NMNAT3: variants seen among roughly 807,000 people sequenced by gnomAD.
NMNAT3 encodes the protein nicotinamide nucleotide adenylyltransferase 3, also known as nicotinamide/nicotinic acid mononucleotide adenylyltransferase 3.
A neutral mutation model predicts 24.8 loss-of-function variants in NMNAT3; 21 were observed. The ratio of observed to expected loss-of-function variants is 0.85; its 90% CI spans 0.60 to 1.22. The LOEUF (loss-of-function observed/expected upper bound fraction) is 1.22. Among genes scored for constraint, NMNAT3 ranks in the 50% most tolerant of loss-of-function variants. The probability of loss-of-function intolerance (pLI) is 0.00; values close to 1 mark genes in which losing one functional copy is unlikely to be tolerated. For synonymous variants in NMNAT3, 136 were observed against 155.2 expected (o/e 0.88, Z 0.92); for missense variants, 387 against 436.6 (o/e 0.89, Z 1.01).
intron 3 of NMNAT3, among the ~76,000 whole-genome samples, chr3:139,623,985 C>G (rs2055927375): frequency 6.6e-6 from 1 of 152,242 alleles, no homozygotes; most frequent in Non-Finnish European, 1.5e-5. Flanking sequence ...TATAACGTCA[C>G]TGGTCAATAG....
At chr3:139,633,585 A>C (rs1386328487) in intron 2 of NMNAT3, among the ~76,000 whole-genome samples, 1 of 152,172 alleles carries the variant, frequency 6.6e-6, no homozygotes, top group Non-Finnish European at 1.5e-5. Flanking sequence ...GCAGGCTGTC[A>C]GAAGGGACCT....
chr3:139,615,113 C>T (rs980583868), intron 3 of NMNAT3, among the ~76,000 whole-genome samples: 20 of 152,152 alleles, frequency 1.3e-4, no homozygotes, highest in Non-Finnish European at 2.8e-4. Flanking sequence ...AAGTTGTCCT[C>T]AGATTTTATT....
chr3:139,616,648 G>T (rs1259875630), intron 3 of NMNAT3, among the ~76,000 whole-genome samples: 1 of 151,996 alleles, frequency 6.6e-6, no homozygotes, highest in South Asian at 2.1e-4. Context: ...CCATTACCAG[G>T]TCAATTTTAC....
chr3:139,673,526 T>C (rs7639511), intron 1 of NMNAT3, among the ~76,000 whole-genome samples: 111,372 of 152,022 alleles, frequency 0.73, 41,173 homozygotes, highest in East Asian at 0.82. Context: ...CCAACACTTT[T>C]GGCCCCTCTG....
At chr3:139,601,300 A>G (rs1190006343) in intron 3 of NMNAT3, among the ~76,000 whole-genome samples, 2 of 152,220 alleles carry the variant, frequency 1.3e-5, no homozygotes, top group African/African-American at 4.8e-5. Context: ...CAGCATGCAG[A>G]GACAGACCTA....
At chr3:139,641,270 G>A (rs558729661) in intron 1 of NMNAT3, among the ~76,000 whole-genome samples, 2 of 152,322 alleles carry the variant, frequency 1.3e-5, no homozygotes, top group East Asian at 3.9e-4. Flanking sequence ...TTTCCTTACT[G>A]TGTGTGAATT....
intron 3 of NMNAT3, among the ~76,000 whole-genome samples, chr3:139,625,228 A>G (rs2055998868): frequency 6.6e-6 from 1 of 152,118 alleles, no homozygotes; most frequent in South Asian, 2.1e-4. Flanking sequence ...TTGGGTTACT[A>G]TGGTTAAAGT....
At chr3:139,611,974 C>A (rs9850462) in intron 3 of NMNAT3, among the ~76,000 whole-genome samples, 141,213 of 151,970 alleles carry the variant, frequency 0.93, 66,525 homozygotes, top group East Asian at 1. Context: ...TCGAGACCAG[C>A]CTGACCAACA....
intron 1 of NMNAT3, among the ~76,000 whole-genome samples, chr3:139,658,907 T>C (rs1031803508): frequency 1.3e-5 from 2 of 152,152 alleles, no homozygotes; most frequent in Non-Finnish European, 2.9e-5. Context: ...GAACGTCCCC[T>C]TGTGTCCCTT....
At chr3:139,663,728 G>C (rs541941799) in intron 1 of NMNAT3, among the ~76,000 whole-genome samples, 1 of 152,084 alleles carries the variant, frequency 6.6e-6, no homozygotes, top group South Asian at 2.1e-4. Flanking sequence ...CACATGACCC[G>C]AAGTCAGGAC....
chr3:139,571,858 C>T (rs531504616), intron 6 of NMNAT3, among the ~76,000 whole-genome samples: 22 of 152,236 alleles, frequency 1.4e-4, no homozygotes, highest in South Asian at 1.0e-3. Context: ...GTGAAGTGTG[C>T]GAGGATGGTG....
chr3:139,637,371 C>A (rs2056540114), intron 2 of NMNAT3: 1 of 152,226 alleles, frequency 6.6e-6, no homozygotes, highest in Non-Finnish European at 1.5e-5. Context: ...CCCTCACCAG[C>A]AACTTTACGC....
chr3:139,643,588 A>G (rs764332111), intron 1 of NMNAT3, among the ~76,000 whole-genome samples: 7 of 152,256 alleles, frequency 4.6e-5, no homozygotes, highest in Admixed American at 4.6e-4. Flanking sequence ...TACCATATAG[A>G]TGAATCTTAA....
intron 1 of NMNAT3, among the ~76,000 whole-genome samples, chr3:139,653,951 G>C: frequency 6.6e-6 from 1 of 152,158 alleles, no homozygotes; most frequent in Non-Finnish European, 1.5e-5. Flanking sequence ...ATCTGGTCAA[G>C]GGCAAATAGT....
intron 2 of NMNAT3, chr3:139,634,902 CA>C (rs777623791): frequency 6.6e-6 from 1 of 152,188 alleles, no homozygotes; most frequent in Non-Finnish European, 1.5e-5. Flanking sequence ...TCACACACAT[CA>C]ATGCTAATTC....
intron 3 of NMNAT3, among the ~76,000 whole-genome samples, chr3:139,587,443 A>G (rs1246558236): frequency 1.3e-5 from 2 of 152,186 alleles, no homozygotes; most frequent in Non-Finnish European, 2.9e-5. Flanking sequence ...GATAGATGCC[A>G]GTGCCTAAGA....
intron 1 of NMNAT3, among the ~76,000 whole-genome samples, chr3:139,653,722 C>T (rs183804542): frequency 6.6e-6 from 1 of 152,288 alleles, no homozygotes; most frequent in Non-Finnish European, 1.5e-5. Flanking sequence ...CCCACAGCCC[C>T]ACCCTATTCC....
At chr3:139,576,986 G>C (rs1358938840) in intron 5 of NMNAT3, among the ~76,000 whole-genome samples, 1 of 152,078 alleles carries the variant, frequency 6.6e-6, no homozygotes, top group Non-Finnish European at 1.5e-5. Context: ...GAACCCAGGA[G>C]GTGGAGGTTG....
At chr3:139,642,679 G>A (rs1301345477) in intron 1 of NMNAT3, among the ~76,000 whole-genome samples, 1 of 152,168 alleles carries the variant, frequency 6.6e-6, no homozygotes, top group African/African-American at 2.4e-5. Context: ...TGGGGACATT[G>A]ATGAGGGCAG....
Sources: gnomAD v4.1 joint callset for allele counts (sites outside exome capture counted in the v4.1 genomes callset) on GRCh38, gnomAD v4.1.1 for gene constraint, MANE v1.5 for transcripts, NCBI Gene and HGNC (gene_info 2026-07-23, HGNC 2026-07-21) for gene names.